CLTC: variants seen among roughly 807,000 people sequenced by gnomAD.
CLTC encodes clathrin heavy chain.
Under a neutral mutation model 195.8 loss-of-function variants are expected in CLTC, and 16 were observed. That is an observed-to-expected ratio of 0.08 (90% confidence interval 0.06 to 0.12). The LOEUF (loss-of-function observed/expected upper bound fraction) is 0.12, where lower values mean the gene tolerates loss of function less well. Among genes scored for constraint, CLTC ranks in the 10% least tolerant of loss-of-function variants. The probability of loss-of-function intolerance (pLI) is 1.00; values close to 1 mark genes in which losing one functional copy is unlikely to be tolerated. For synonymous variants in CLTC, 667 were observed against 689.4 expected (o/e 0.97, Z 0.51); for missense variants, 796 against 2,027.0 (o/e 0.39, Z 11.66).
intron 1 of CLTC, among the ~76,000 whole-genome samples, chr17:59,637,753 A>G (rs914372664): frequency 1.3e-5 from 2 of 150,900 alleles, no homozygotes; most frequent in Non-Finnish European, 2.9e-5. Context: ...GGTACCATCT[A>G]TTTGGAAGGC....
In CLTC at chr17:59,644,262, A is replaced by G. The variant is rs1214544526; in HGVS notation, c.43-14A>G. The G allele has an allele frequency of 1.2e-6, 2 of 1,608,948 alleles. No individual in the cohort carries two copies. Among genetic ancestry groups the G allele is most frequent in the African/African-American group, 1.3e-5 (1 of 74,714 alleles). ...AATCCACTTGGTAACATGGTTTCTT[A>G]TTATTTTTTCTAGCTCCAGAACCTG... On this transcript the variant is annotated splice_polypyrimidine_tract_variant and intron_variant, in intron 1 of 31. Coordinates refer to ENST00000269122, the MANE Select transcript of CLTC (RefSeq NM_004859.4).
chr17:59,672,818 T>G (rs1459011037), intron 14 of CLTC, among the ~76,000 whole-genome samples: 2 of 152,166 alleles, frequency 1.3e-5, no homozygotes, highest in East Asian at 3.9e-4. Context: ...TCTACCCTAC[T>G]TAGTTCTGCT....
intron 30 of CLTC, among the ~76,000 whole-genome samples, chr17:59,688,831 G>C (rs1208974426): frequency 6.6e-6 from 1 of 152,088 alleles, no homozygotes; most frequent in Non-Finnish European, 1.5e-5. Context: ...TGCAGTGGTG[G>C]CTTTTTGGTT....
At chr17:59,638,807 C>T (rs554833053) in intron 1 of CLTC, among the ~76,000 whole-genome samples, 1 of 152,226 alleles carries the variant, frequency 6.6e-6, no homozygotes, top group African/African-American at 2.4e-5. Flanking sequence ...TACTGGTCTG[C>T]GGCCTGTGGT....
intron 13 of CLTC, 118 bp from the exon 14 acceptor site, chr17:59,668,659 T>A (rs1451026978): frequency 9.7e-6 from 8 of 828,046 alleles, no homozygotes; most frequent in Non-Finnish European, 1.2e-5. Context: ...TCGCGCTTTT[T>A]AAGCAACCAA....
chr17:59,642,207 A>C (rs58081210), intron 1 of CLTC, among the ~76,000 whole-genome samples: 6,648 of 152,042 alleles, frequency 0.044, 402 homozygotes, highest in African/African-American at 0.14. Context: ...TGAAGTTGAG[A>C]AGTAGGAAGG....
chr17:59,633,359 G>T (rs2031776042), intron 1 of CLTC, among the ~76,000 whole-genome samples: 2 of 152,088 alleles, frequency 1.3e-5, no homozygotes, highest in South Asian at 4.1e-4. Context: ...TGGGCGTGGT[G>T]GTGCATGCCT....
Position 59,690,715 on chromosome 17 carries a change from ATCTC to A in CLTC, c.4903+10_4903+13del. On this transcript the variant is annotated splice_donor_5th_base_variant and intron_variant, in intron 31 of 31. Coordinates refer to ENST00000269122, the MANE Select transcript of CLTC (RefSeq NM_004859.4). ...GAGACACAACCCATTGTTTATGGTA[ATCTC>A]TCTCTGTAACCTCAAAAAATTCATT... The A allele has an allele frequency of 6.2e-7, 1 of 1,606,354 alleles. No homozygotes were observed. The highest frequency in any genetic ancestry group is 8.5e-7 in the Non-Finnish European group (1 of 1,173,910).
chr17:59,668,693 T>C lies in CLTC; in HGVS notation c.2129-84T>C, dbSNP rs1223131158. On this transcript the variant is annotated intron_variant, in intron 13 of 31. Transcript: ENST00000269122. The stretch of plus-strand genomic sequence containing the variant: ...AACTTATATTTGGGAGTATTCAATA[T>C]AACAGTTTTTTAATTACATAAATGT... 7 of 1,178,904 alleles carry C rather than the reference T, an allele frequency of 5.9e-6. No homozygotes were observed. In the African/African-American group the frequency reaches 7.8e-5, roughly 13 times the overall value. 73.0% of individuals were successfully genotyped at this position (1,178,904 alleles called of 1,614,324 possible). A position where few individuals can be genotyped will look rare whatever the true frequency, so the allele number is the denominator to read the frequency against.
In CLTC at chr17:59,694,825, G is replaced by C. The variant is rs776179966; in HGVS notation, c.*973G>C. On this transcript the variant is annotated 3_prime_UTR_variant, in exon 32 of 32. Transcript: ENST00000269122. Reference sequence around the variant, plus strand: ...TCAAACGAAAAGAACAGTAGTTTTTGTAGTTTTATATTGGATACTGAGGCA... The same window carrying C: ...TCAAACGAAAAGAACAGTAGTTTTTCTAGTTTTATATTGGATACTGAGGCA... The C allele has an allele frequency of 1.3e-5, 3 of 226,016 alleles. No individual in the cohort carries two copies. Among genetic ancestry groups the C allele is most frequent in the African/African-American group, 2.2e-5 (1 of 44,928 alleles). 14.0% of individuals were successfully genotyped at this position (226,016 alleles called of 1,614,324 possible).
intron 28 of CLTC, 85 bp from the exon 29 acceptor site, chr17:59,684,971 C>T: frequency 1.9e-6 from 2 of 1,050,084 alleles, no homozygotes; most frequent in East Asian, 2.5e-5. Context: ...TACATGTTAC[C>T]ATCTAAGGGG....
intron 1 of CLTC, among the ~76,000 whole-genome samples, chr17:59,626,242 C>G (rs1436748202): frequency 6.6e-6 from 1 of 152,128 alleles, no homozygotes; most frequent in Non-Finnish European, 1.5e-5. Flanking sequence ...TTGATGTTGT[C>G]TACTTGATTG....
chr17:59,653,542 T>C (rs2032384974), intron 5 of CLTC, among the ~76,000 whole-genome samples: 1 of 151,360 alleles, frequency 6.6e-6, no homozygotes, highest in South Asian at 2.1e-4. Flanking sequence ...TCCCCCTCTT[T>C]CTTTCCCTTT....
chr17:59,695,124 C>T lies in CLTC; in HGVS notation c.*1272C>T. 4.9e-6 allele frequency: 1 copy of T among 202,592 alleles called. No homozygotes were observed. Among genetic ancestry groups the T allele is most frequent in the African/African-American group, 2.3e-5 (1 of 43,738 alleles). The allele number at this position is 202,592 out of a possible 1,614,324, so 12.5% of individuals were successfully genotyped here. Reference sequence around the variant, plus strand: ...TATTTAAACATGTAGTTAACATGCTCTTTCTCATCATGAATTATAAAGGTG... The same window carrying T: ...TATTTAAACATGTAGTTAACATGCTTTTTCTCATCATGAATTATAAAGGTG... On this transcript the variant is annotated 3_prime_UTR_variant, in exon 32 of 32. Coordinates refer to ENST00000269122, the MANE Select transcript of CLTC (RefSeq NM_004859.4).
intron 4 of CLTC, 101 bp from the exon 5 acceptor site, chr17:59,651,102 T>C (rs2032317573): frequency 1.4e-6 from 1 of 722,394 alleles, no homozygotes; most frequent in Admixed American, 2.3e-5. Flanking sequence ...TGATCTTCTG[T>C]AGAACATGTT....
chr17:59,685,268 T>A lies in CLTC; in HGVS notation c.4605+42T>A. ...GGCAGGGGCTGTTTTAAACCAGGCC[T>A]AAAATGGTGTTACAAGTGATTATAA... is the stretch of plus-strand genomic sequence containing the variant. On this transcript the variant is annotated intron_variant, in intron 29 of 31. Transcript: ENST00000269122. The surrounding 1 kb of genome is among the most constrained non-coding windows in gnomAD (Gnocchi z 5.0). 1.3e-6 allele frequency: 2 copies of A among 1,523,228 alleles called. No individual in the cohort carries two copies. The highest frequency in any genetic ancestry group is 1.8e-6 in the Non-Finnish European group (2 of 1,124,954). 94.4% of individuals were successfully genotyped at this position (1,523,228 alleles called of 1,614,324 possible).
chr17:59,681,121 G>T lies in CLTC; in HGVS notation c.3065+64G>T. 2 of 1,556,516 alleles carry T rather than the reference G, an allele frequency of 1.3e-6. No individual in the cohort carries two copies. The highest frequency in any genetic ancestry group is 2.7e-5 in the African/African-American group (2 of 73,030). On this transcript the variant is annotated intron_variant, in intron 19 of 31. Transcript: ENST00000269122. The surrounding 1 kb of genome is among the most constrained non-coding windows in gnomAD (Gnocchi z 5.0). ...GTCTTTAATAAATTATGGCCCATCA[G>T]TTTTGGGAAGGAACAAAAAGATCAG...
intron 5 of CLTC, among the ~76,000 whole-genome samples, chr17:59,652,599 A>T (rs1258391075): frequency 6.6e-6 from 1 of 152,184 alleles, no homozygotes; most frequent in Non-Finnish European, 1.5e-5. Context: ...GATGAGCAGT[A>T]ACATTTTGAA....
intron 31 of CLTC, among the ~76,000 whole-genome samples, chr17:59,692,142 C>A (rs982990231): frequency 5.3e-5 from 8 of 152,096 alleles, no homozygotes; most frequent in African/African-American, 1.9e-4. Context: ...CATGGTGAAA[C>A]CCCATCTCTA....
Sources: gnomAD v4.1 joint callset for allele counts (sites outside exome capture counted in the v4.1 genomes callset) on GRCh38, gnomAD v4.1.1 for gene constraint, Gnocchi (gnomAD v3.1) non-coding constraint, MANE v1.5 for transcripts, NCBI Gene and HGNC (gene_info 2026-07-23, HGNC 2026-07-21) for gene names.